Variants in ADGRF5 observed in about 807,000 individuals in gnomAD.
ADGRF5 encodes the protein adhesion G protein-coupled receptor F5.
Under a neutral mutation model 132.3 loss-of-function variants are expected in ADGRF5, and 75 were observed. The ratio of observed to expected loss-of-function variants is 0.57; its 90% confidence interval spans 0.47 to 0.69. ADGRF5 has a LOEUF of 0.69. ADGRF5 is among the 30% of genes least tolerant of loss of function. The pLI, the probability that ADGRF5 is intolerant of heterozygous loss-of-function variation, is 0.00. For synonymous variants in ADGRF5, 629 were observed against 597.6 expected (o/e 1.05, Z -0.77); for missense variants, 1,516 against 1,630.6 (o/e 0.93, Z 1.21).
chr6:46,881,499 T>G lies in ADGRF5; in HGVS notation c.770A>C (p.Gln257Pro). The change falls in exon 8 of 21, where the codon CAG (glutamine) becomes CCG (proline). Residue 257 changes from glutamine to proline, a missense_variant. Physicochemically the swap from Gln to Pro is moderately conservative, Grantham distance 76 (BLOSUM62 -1). Around this residue, in one of 2 missense-constraint regions of ADGRF5, gnomAD observed 945 missense variants for 929.4 expected, o/e 1.02. Coordinates refer to ENST00000283296, the MANE Select transcript of ADGRF5 (RefSeq NM_001098518.2). ...ANEQVVQSLNQTYKMDYNSFQ... is the reference protein window; with the variant it reads ...ANEQVVQSLNPTYKMDYNSFQ... ...GGAGTTGTAGTCCATTTTGTAGGTC[T>G]GATTGAGGCTCTGTACAACTTGTTC... 6.2e-7 allele frequency: 1 copy of G among 1,613,486 alleles called. No individual in the cohort carries two copies. Among genetic ancestry groups the G allele is most frequent in the East Asian group, 2.2e-5 (1 of 44,878 alleles).
chr6:46,867,145 G>C lies in ADGRF5; in HGVS notation c.1622-8C>G, dbSNP rs2150801935. On this transcript the variant is annotated splice_region_variant and splice_polypyrimidine_tract_variant and intron_variant, in intron 12 of 20. Transcript: ENST00000283296. Reference sequence around the variant, plus strand: ...ATATGCAGTGATAGGTTCCTGAGTAGAAGACGGCAAAAATGAGATGGAATG... The same window carrying C: ...ATATGCAGTGATAGGTTCCTGAGTACAAGACGGCAAAAATGAGATGGAATG... The C allele has an allele frequency of 6.8e-7, 1 of 1,476,712 alleles. No individual in the cohort carries two copies. Among genetic ancestry groups the C allele is most frequent in the South Asian group, 1.2e-5 (1 of 86,938 alleles). 91.5% of individuals were successfully genotyped at this position (1,476,712 alleles called of 1,614,324 possible).
chr6:46,860,975 A>C, intron 15 of ADGRF5, 81 bp from the exon 16 acceptor site: 1 of 1,041,350 alleles, frequency 9.6e-7, no homozygotes, highest in Non-Finnish European at 1.4e-6. Flanking sequence ...TCCTGGCAAA[A>C]TCTCTCACAT....
At chr6:46,915,107 C>T (rs1172758575) in intron 1 of ADGRF5, among the ~76,000 whole-genome samples, 7 of 151,934 alleles carry the variant, frequency 4.6e-5, no homozygotes, top group Admixed American at 1.3e-4. Context: ...CCGCCCATCT[C>T]GGCCTCCCAA....
chr6:46,934,396 T>C (rs1777719669), intron 1 of ADGRF5, among the ~76,000 whole-genome samples: 1 of 152,214 alleles, frequency 6.6e-6, no homozygotes, highest in Admixed American at 6.5e-5. Flanking sequence ...GCTTGACTAA[T>C]TCTTTTGATT....
chr6:46,882,813 A>C (rs1302722247), intron 6 of ADGRF5, among the ~76,000 whole-genome samples: 1 of 152,216 alleles, frequency 6.6e-6, no homozygotes, highest in Non-Finnish European at 1.5e-5. Context: ...TCATCAAGGC[A>C]CTCATGGGAG....
intron 2 of ADGRF5, among the ~76,000 whole-genome samples, chr6:46,901,522 A>T (rs1774763034): frequency 6.6e-6 from 1 of 152,204 alleles, no homozygotes; most frequent in Non-Finnish European, 1.5e-5. Flanking sequence ...ACTTCCTAAG[A>T]TGTATTTAAC....
At chr6:46,854,613 G>C in intron 20 of ADGRF5, 1 of 608,018 alleles carries the variant, frequency 1.6e-6, no homozygotes, top group Non-Finnish European at 2.7e-6. Flanking sequence ...GGCAGCCTCA[G>C]AGCAACTGCA....
chr6:46,914,438 AC>A (rs906230242), intron 1 of ADGRF5, among the ~76,000 whole-genome samples: 1 of 152,170 alleles, frequency 6.6e-6, no homozygotes, highest in African/African-American at 2.4e-5. Flanking sequence ...CAATTAAAGA[AC>A]TGCCTTGAAG....
At chr6:46,854,184 G>T in intron 20 of ADGRF5, 113 bp from the exon 21 acceptor site, 2 of 687,368 alleles carry the variant, frequency 2.9e-6, no homozygotes, top group Non-Finnish European at 4.7e-6. Flanking sequence ...GGTAAGCTCG[G>T]CCATGCCTGG....
chr6:46,866,818 A>C, intron 13 of ADGRF5, 107 bp downstream of exon 13: 2 of 660,626 alleles, frequency 3.0e-6, no homozygotes, highest in Non-Finnish European at 2.7e-6. Context: ...TGTTAATTCT[A>C]TCTCTGATAC....
chr6:46,945,195 T>C (rs183295707), intron 1 of ADGRF5, among the ~76,000 whole-genome samples: 30 of 152,348 alleles, frequency 2.0e-4, no homozygotes, highest in African/African-American at 7.0e-4. Flanking sequence ...AGTCCAAGTG[T>C]CATTCATTTC....
intron 1 of ADGRF5, among the ~76,000 whole-genome samples, chr6:46,947,052 A>C (rs1250881130): frequency 6.6e-6 from 1 of 152,172 alleles, no homozygotes; most frequent in Non-Finnish European, 1.5e-5. Context: ...TATATGTATA[A>C]ATATATGGTC....
rs1456407284 is a variant in ADGRF5, at chr6:46,858,248, T to C, written c.3655A>G (p.Lys1219Glu). 6.2e-7 allele frequency: 1 copy of C among 1,614,064 alleles called. No individual in the cohort carries two copies. Among genetic ancestry groups the C allele is most frequent in the South Asian group, 1.1e-5 (1 of 91,072 alleles). Residue 1219 changes from lysine to glutamate, a missense_variant, in exon 17 of 21, where the codon AAG (lysine) becomes GAG (glutamate). By Grantham distance (56) the Lys-to-Glu change is moderately conservative. Transcript: ENST00000283296. ...QEKSSLFQIS[K>E]SIGVLTPLLG... ...AGTGGTGTGAGGACCCCAATGCTCT[T>C]GCTGATCTGAAACAGGCTGCTCTTC... is the stretch of plus-strand genomic sequence containing the variant.
chr6:46,863,022 A>G lies in ADGRF5; in HGVS notation c.2065T>C (p.Phe689Leu). 6.2e-7 allele frequency: 1 copy of G among 1,613,896 alleles called. No homozygotes were observed. The highest frequency in any genetic ancestry group is 8.5e-7 in the Non-Finnish European group (1 of 1,179,880). Residue 689 changes from phenylalanine (F) to leucine (L), a missense_variant, in exon 15 of 21, where the codon TTC (phenylalanine) becomes CTC (leucine). This residue lies in a region of ADGRF5 where 945 missense variants were observed against 929.4 expected (regional missense o/e 1.02). Coordinates refer to ENST00000283296, the MANE Select transcript of ADGRF5 (RefSeq NM_001098518.2). ...PGKVIQKLCR[F>L]SNVPSSPESP... ...TCAGGGCTGCTGGGAACGTTTGAGAACCGGCATAGCTTCTGGATGACTTTC... is the reference window on the plus strand; with the variant it reads ...TCAGGGCTGCTGGGAACGTTTGAGAGCCGGCATAGCTTCTGGATGACTTTC...
In ADGRF5 at chr6:46,882,082, G is replaced by A. The variant is rs1426639707; in HGVS notation, c.638C>T (p.Pro213Leu). Residue 213 changes from proline (P) to leucine (L), a missense_variant, in exon 7 of 21, where the codon CCA (proline) becomes CTA (leucine). By Grantham distance (98) the Pro-to-Leu change is moderately conservative. Transcript: ENST00000283296. Reference sequence around the variant, plus strand: ...TGTCACAGTCACGCCCTTGAAGCCTGGTAAAATTCCGTAACCCTTCCGGAA... The same window carrying A: ...TGTCACAGTCACGCCCTTGAAGCCTAGTAAAATTCCGTAACCCTTCCGGAA... ...TAFRKGYGIL[P>L]GFKGVTVTGF... 6.2e-7 allele frequency: 1 copy of A among 1,611,570 alleles called. No individual in the cohort carries two copies. Among genetic ancestry groups the A allele is most frequent in the Non-Finnish European group, 8.5e-7 (1 of 1,177,836 alleles).
At chr6:46,873,568 C>T (rs1771322187) in intron 10 of ADGRF5, among the ~76,000 whole-genome samples, 1 of 152,040 alleles carries the variant, frequency 6.6e-6, no homozygotes, top group Admixed American at 6.6e-5. Context: ...TTCCTTCATC[C>T]TCTTCTCAAA....
intron 13 of ADGRF5, among the ~76,000 whole-genome samples, 191 bp from the exon 14 acceptor site, chr6:46,865,388 T>G (rs1770300190): frequency 6.6e-6 from 1 of 152,252 alleles, no homozygotes; most frequent in African/African-American, 2.4e-5. Flanking sequence ...TAGTCAAAAC[T>G]TCTCCTCTAC....
chr6:46,862,735 T>C (rs1769928953), intron 15 of ADGRF5, among the ~76,000 whole-genome samples, 153 bp downstream of exon 15: 2 of 143,446 alleles, frequency 1.4e-5, no homozygotes, highest in African/African-American at 2.6e-5. Context: ...TTTTTGCATT[T>C]CTAGGGTTGC....
intron 8 of ADGRF5, among the ~76,000 whole-genome samples, chr6:46,880,806 C>CA (rs1223830996): frequency 2.0e-5 from 3 of 152,056 alleles, no homozygotes; most frequent in Admixed American, 1.3e-4. Context: ...AAAATAAAAA[C>CA]ACAGCCAGGC....
Sources: gnomAD v4.1 joint callset for allele counts (sites outside exome capture counted in the v4.1 genomes callset) on GRCh38, gnomAD v4.1.1 for gene constraint, gnomAD v4.1.1 regional missense constraint, MANE v1.5 for transcripts, NCBI Gene and HGNC (gene_info 2026-07-23, HGNC 2026-07-21) for gene names.